UBR1: variants seen among roughly 807,000 people sequenced by gnomAD.
The protein encoded by UBR1 is ubiquitin protein ligase E3 component n-recognin 1, also known as E3 ubiquitin-protein ligase UBR1.
Under a neutral mutation model 242.1 loss-of-function variants are expected in UBR1, and 102 were observed. That is an observed-to-expected ratio of 0.42 (90% CI 0.36 to 0.50). UBR1 has a LOEUF of 0.50. Among genes scored for constraint, UBR1 ranks in the 20% least tolerant of loss-of-function variants. The pLI, the probability that UBR1 is intolerant of heterozygous loss-of-function variation, is 0.01. For synonymous variants in UBR1, 675 were observed against 684.8 expected (o/e 0.99, Z 0.22); for missense variants, 1,772 against 2,101.8 (o/e 0.84, Z 3.07).
rs780491123 is a variant in UBR1, at chr15:42,983,995, T to A, written c.4054-2A>T. ...CATTAATGCTTTCAGACCATTATGC[T>A]AGATTGTAAGAGAGAAGGAAGATAA... On this transcript the variant is annotated splice_acceptor_variant, in intron 36 of 46. Transcript: ENST00000290650. LOFTEE classifies it high-confidence loss of function. 6.2e-7 allele frequency: 1 copy of A among 1,608,898 alleles called. No individual in the cohort carries two copies. Among genetic ancestry groups the A allele is most frequent in the Non-Finnish European group, 8.5e-7 (1 of 1,175,776 alleles).
intron 6 of UBR1, among the ~76,000 whole-genome samples, chr15:43,062,561 G>T (rs1025823314): frequency 6.6e-6 from 1 of 152,070 alleles, no homozygotes; most frequent in African/African-American, 2.4e-5. Context: ...CCTAGAAAAA[G>T]ATTAAAATGG....
At position 43,003,941 on chromosome 15, in the gene UBR1, G is replaced by A. The variant is rs2032764294; in HGVS notation, c.3416-11C>T. ...GTGGGTCTAGGGCTTCTGGTACAAG[G>A]TATAAAAAGGAGGGAAAAAGAGAGA... On this transcript the variant is annotated splice_polypyrimidine_tract_variant and intron_variant, in intron 30 of 46. Transcript: ENST00000290650. The A allele has an allele frequency of 6.2e-7, 1 of 1,612,064 alleles. No individual in the cohort carries two copies. Among genetic ancestry groups the A allele is most frequent in the Non-Finnish European group, 8.5e-7 (1 of 1,178,304 alleles).
intron 38 of UBR1, 51 bp downstream of exon 38, chr15:42,977,829 T>C (rs2032313841): frequency 6.9e-7 from 1 of 1,456,944 alleles, no homozygotes; most frequent in Non-Finnish European, 9.6e-7. Context: ...ATGAGGAAAA[T>C]ACAAGAAATT....
At position 42,950,277 on chromosome 15, in the gene UBR1, G is replaced by A; in HGVS notation, c.5093C>T (p.Thr1698Ile). The part of the protein sequence containing the change: ...PAPYLDEYGE[T>I]DPGLKRGNPL... ...AAAATCTTACTTCAGGCCAGGGTCTGTTTCTCCATATTCATCCAAGTAAGG... is the reference window on the plus strand; with the variant it reads ...AAAATCTTACTTCAGGCCAGGGTCTATTTCTCCATATTCATCCAAGTAAGG... The change falls in exon 46 of 47, where the codon ACA (threonine) becomes ATA (isoleucine). Residue 1698 changes from threonine (T) to isoleucine (I), a missense_variant. Thr to Ile is a moderately conservative substitution (Grantham distance 89). Coordinates refer to ENST00000290650, the MANE Select transcript of UBR1 (RefSeq NM_174916.3). The A allele has an allele frequency of 2.5e-6, 4 of 1,614,150 alleles. No homozygotes were observed. The highest frequency in any genetic ancestry group is 3.4e-6 in the Non-Finnish European group (4 of 1,180,010).
intron 35 of UBR1, among the ~76,000 whole-genome samples, chr15:42,985,666 T>C (rs2032447007): frequency 1.3e-5 from 2 of 151,924 alleles, no homozygotes; most frequent in Admixed American, 1.3e-4. Context: ...GGTACAATTT[T>C]AAAAGAATTA....
chr15:43,076,441 TC>T (rs1486628705), intron 3 of UBR1, among the ~76,000 whole-genome samples: 1 of 121,948 alleles, frequency 8.2e-6, no homozygotes, highest in Non-Finnish European at 1.7e-5. Context: ...CCGGCCGCCA[TC>T]CCATCTAGGA....
Position 43,029,979 on chromosome 15 carries a change from G to T in UBR1, c.2344C>A (p.Pro782Thr). Residue 782 changes from proline (P) to threonine (T), a missense_variant, in exon 21 of 47, where the codon CCA becomes ACA. By Grantham distance (38) the Pro-to-Thr change is conservative. Transcript: ENST00000290650. ...AAATTTTTGGCAATGGCACTGTGTG[G>T]CATGGGTTCAATGCAAAGCAAGTGA... ...IIHLLCIEPM[P>T]HSAIAKNLPE... The T allele has an allele frequency of 6.2e-7, 1 of 1,614,056 alleles. No homozygotes were observed. The highest frequency in any genetic ancestry group is 1.3e-5 in the African/African-American group (1 of 75,044).
intron 42 of UBR1, among the ~76,000 whole-genome samples, chr15:42,962,479 A>G (rs2032039165): frequency 6.6e-6 from 1 of 151,914 alleles, no homozygotes; most frequent in South Asian, 2.1e-4. Context: ...GCTAGCCTGA[A>G]CTGGGGCCTC....
intron 1 of UBR1, among the ~76,000 whole-genome samples, chr15:43,100,488 G>C (rs1199488224): frequency 6.6e-6 from 1 of 152,092 alleles, no homozygotes; most frequent in Admixed American, 6.5e-5. Context: ...TTGATCCTCA[G>C]TTATTCATTC....
intron 29 of UBR1, among the ~76,000 whole-genome samples, chr15:43,014,254 T>C (rs1364582699): frequency 2.0e-5 from 3 of 152,246 alleles, no homozygotes; most frequent in Admixed American, 2.0e-4. Flanking sequence ...CCCAGCCGCC[T>C]GCCTTGGCCT....
At chr15:43,064,377 G>A (rs986730174) in intron 6 of UBR1, among the ~76,000 whole-genome samples, 1 of 152,084 alleles carries the variant, frequency 6.6e-6, no homozygotes, top group African/African-American at 2.4e-5. Flanking sequence ...TAAGAAATTA[G>A]TCTAAAAACA....
chr15:43,024,890 G>A lies in UBR1; in HGVS notation c.2678C>T (p.Thr893Ile), dbSNP rs199513326. The change falls in exon 25 of 47, where the codon ACC becomes ATC. Residue 893 changes from threonine to isoleucine, a missense_variant. Transcript: ENST00000290650. ...NCDIMMYILR[T>I]VFERAIDTDS... ...TGTGTCTATTGCCCGCTCAAATACGGTCCTGAGAATGTACATCATGATATC... is the reference window on the plus strand; with the variant it reads ...TGTGTCTATTGCCCGCTCAAATACGATCCTGAGAATGTACATCATGATATC... The A allele has an allele frequency of 6.8e-5, 110 of 1,614,144 alleles. No homozygotes were observed. In the East Asian group the frequency reaches 2.2e-3, roughly 33 times the overall value.
intron 29 of UBR1, among the ~76,000 whole-genome samples, chr15:43,009,141 A>G (rs1384423756): frequency 6.6e-6 from 1 of 152,208 alleles, no homozygotes; most frequent in Non-Finnish European, 1.5e-5. Flanking sequence ...AGGAGAGAAG[A>G]GCTGTGGTCC....
chr15:42,991,390 C>T (rs1555444248), intron 33 of UBR1, among the ~76,000 whole-genome samples: 3 of 152,084 alleles, frequency 2.0e-5, no homozygotes, highest in Non-Finnish European at 2.9e-5. Context: ...ACACGCACCA[C>T]TGTGCCTGGC....
intron 33 of UBR1, among the ~76,000 whole-genome samples, chr15:42,990,406 T>A (rs1042084217): frequency 2.6e-5 from 4 of 152,128 alleles, no homozygotes; most frequent in African/African-American, 9.7e-5. Context: ...TTGAACTCCT[T>A]AAGAGATCCT....
chr15:43,037,035 G>C (rs1284588016), intron 17 of UBR1, among the ~76,000 whole-genome samples: 2 of 151,202 alleles, frequency 1.3e-5, no homozygotes, highest in African/African-American at 4.9e-5. Context: ...AACTTTACAA[G>C]ACCTATTTCT....
At chr15:42,982,154 G>A (rs1000418124) in intron 37 of UBR1, among the ~76,000 whole-genome samples, 2 of 152,286 alleles carry the variant, frequency 1.3e-5, no homozygotes, top group East Asian at 1.9e-4. Flanking sequence ...TTATAAGTGT[G>A]TGTCACTATG....
intron 35 of UBR1, among the ~76,000 whole-genome samples, chr15:42,987,328 G>A (rs777866790): frequency 6.6e-6 from 1 of 152,210 alleles, no homozygotes; most frequent in African/African-American, 2.4e-5. Flanking sequence ...GCAGGTGCCC[G>A]TGGCCTGGAA....
intron 41 of UBR1, among the ~76,000 whole-genome samples, chr15:42,964,424 G>A (rs547814549): frequency 1.3e-5 from 2 of 152,048 alleles, no homozygotes; most frequent in South Asian, 2.1e-4. Flanking sequence ...AGCTGAGATC[G>A]CGCTATTGCA....
Sources: allele counts gnomAD v4.1 joint callset (sites outside exome capture counted in the v4.1 genomes callset), GRCh38; gene constraint gnomAD v4.1.1; transcripts MANE v1.5; gene names NCBI Gene and HGNC (gene_info 2026-07-23, HGNC 2026-07-21).